PIP5K1B: variants seen among roughly 807,000 people sequenced by gnomAD.
The protein encoded by PIP5K1B is phosphatidylinositol-4-phosphate 5-kinase type 1 beta, also known as phosphatidylinositol 4-phosphate 5-kinase type-1 beta.
PIP5K1B carries 42 observed loss-of-function variants against 67.0 expected under a neutral mutation model. The observed-to-expected ratio is 0.63, with a 90% confidence interval of 0.49 to 0.81. The LOEUF (loss-of-function observed/expected upper bound fraction) is 0.81, where lower values mean the gene tolerates loss of function less well. PIP5K1B is among the 30% of genes least tolerant of loss of function. The pLI, the probability that PIP5K1B is intolerant of heterozygous loss-of-function variation, is 0.00. For missense variants in PIP5K1B, 459 were observed against 646.3 expected, an observed-to-expected ratio of 0.71 and a Z score of 3.14; for synonymous variants, 214 against 231.4, an observed-to-expected ratio of 0.92 and a Z score of 0.68.
Position 68,779,887 on chromosome 9 carries a change from G to T in PIP5K1B, c.-86+37230G>T, listed in dbSNP as rs193268517. The T allele has an allele frequency of 1.1e-3, 460 of 427,172 alleles. 5 individuals are homozygous for T. Among genetic ancestry groups the T allele is most frequent in the Non-Finnish European group, 1.2e-4 (30 of 245,678 alleles). The allele number at this position is 427,172 out of a possible 1,614,324, so 26.5% of individuals were successfully genotyped here. On this transcript the variant is annotated intron_variant, in intron 2 of 15. Transcript: ENST00000265382. ...CAATCTTATTGACATGCGTCAACGCGAGCTTGCGCTCAATAGCTATTTGCC... is the reference window on the plus strand; with the variant it reads ...CAATCTTATTGACATGCGTCAACGCTAGCTTGCGCTCAATAGCTATTTGCC...
At chr9:68,828,849 C>T (rs1834130137) in intron 4 of PIP5K1B, among the ~76,000 whole-genome samples, 1 of 152,150 alleles carries the variant, frequency 6.6e-6, no homozygotes, top group Non-Finnish European at 1.5e-5. Flanking sequence ...TGCCTGTAAT[C>T]CCAGCACTTC....
chr9:68,792,573 A>G (rs1168455482), intron 2 of PIP5K1B, among the ~76,000 whole-genome samples: 2 of 151,966 alleles, frequency 1.3e-5, no homozygotes, highest in Admixed American at 6.6e-5. Context: ...TCCGCCTTCC[A>G]GGTTCAGCCA....
chr9:68,934,640 T>G (rs923209933), intron 12 of PIP5K1B, among the ~76,000 whole-genome samples: 1 of 152,202 alleles, frequency 6.6e-6, no homozygotes, highest in Non-Finnish European at 1.5e-5. Context: ...GAGAGAAATT[T>G]TAACTTTTAA....
intron 2 of PIP5K1B, among the ~76,000 whole-genome samples, chr9:68,773,067 G>A (rs575005530): frequency 1.3e-5 from 2 of 152,282 alleles, no homozygotes; most frequent in South Asian, 4.1e-4. Flanking sequence ...CTGACTCCAA[G>A]TTTGGTTCTT....
At chr9:68,733,587 C>G (rs1416382659) in intron 1 of PIP5K1B, among the ~76,000 whole-genome samples, 1 of 128,344 alleles carries the variant, frequency 7.8e-6, no homozygotes, top group East Asian at 2.5e-4. Context: ...GGGTTTTTCT[C>G]TTTTCTTCTG....
chr9:68,934,343 G>A (rs564050590), intron 12 of PIP5K1B, among the ~76,000 whole-genome samples: 1 of 152,334 alleles, frequency 6.6e-6, no homozygotes, highest in Non-Finnish European at 1.5e-5. Context: ...GAGCTAAAGG[G>A]TAGGAAATGT....
chr9:68,857,618 C>A (rs1822845348), intron 4 of PIP5K1B, among the ~76,000 whole-genome samples: 1 of 152,196 alleles, frequency 6.6e-6, no homozygotes, highest in Non-Finnish European at 1.5e-5. Context: ...GTAATCTCAA[C>A]ATTTTGGGAG....
intron 6 of PIP5K1B, among the ~76,000 whole-genome samples, chr9:68,881,657 A>G (rs1473069723): frequency 6.6e-6 from 1 of 152,220 alleles, no homozygotes; most frequent in African/African-American, 2.4e-5. Flanking sequence ...GTGCATGCTG[A>G]TTACAAGTTT....
At chr9:68,754,446 G>C (rs1460294904) in intron 2 of PIP5K1B, among the ~76,000 whole-genome samples, 1 of 152,022 alleles carries the variant, frequency 6.6e-6, no homozygotes, top group Non-Finnish European at 1.5e-5. Context: ...TGGGATTACA[G>C]GCGTGAGCCA....
chr9:68,800,850 A>G lies in PIP5K1B; in HGVS notation c.-85-17611A>G, dbSNP rs903240872. Reference sequence around the variant, plus strand: ...GTCATATTTGGGTACCCTTGCTCCAAATTCTCCATGACTGTTAAGTTCTTG... The same window carrying G: ...GTCATATTTGGGTACCCTTGCTCCAGATTCTCCATGACTGTTAAGTTCTTG... On this transcript the variant is annotated intron_variant, in intron 2 of 15. Coordinates refer to ENST00000265382, the MANE Select transcript of PIP5K1B (RefSeq NM_003558.4). 2.6e-5 allele frequency among the ~76,000 whole-genome samples: 4 copies of G among 152,234 alleles called. No homozygotes were observed. In the South Asian group the frequency reaches 6.2e-4, roughly 24 times the overall value.
chr9:68,799,828 G>A (rs960813096), intron 2 of PIP5K1B, among the ~76,000 whole-genome samples: 2 of 152,176 alleles, frequency 1.3e-5, no homozygotes, highest in Non-Finnish European at 2.9e-5. Flanking sequence ...GGTTTTGGCA[G>A]CAATTTCCTG....
intron 2 of PIP5K1B, among the ~76,000 whole-genome samples, chr9:68,772,294 T>C: frequency 6.6e-6 from 1 of 152,228 alleles, no homozygotes; most frequent in Non-Finnish European, 1.5e-5. Flanking sequence ...CTTCTCTCAG[T>C]TGCTCTTCTT....
intron 5 of PIP5K1B, among the ~76,000 whole-genome samples, chr9:68,869,115 A>G (rs1823501248): frequency 6.6e-6 from 1 of 152,244 alleles, no homozygotes; most frequent in Admixed American, 6.5e-5. Context: ...AAACTTATCC[A>G]AGAGTCCATC....
chr9:68,841,343 C>T (rs999974562), intron 4 of PIP5K1B, among the ~76,000 whole-genome samples: 1 of 152,152 alleles, frequency 6.6e-6, no homozygotes, highest in Non-Finnish European at 1.5e-5. Context: ...CCTTCATTTC[C>T]TGGATTATTA....
At chr9:68,725,350 C>T (rs528867599) in intron 1 of PIP5K1B, among the ~76,000 whole-genome samples, 1 of 152,268 alleles carries the variant, frequency 6.6e-6, no homozygotes, top group East Asian at 1.9e-4. Context: ...TTCTTTTTCT[C>T]ATCTATGGAA....
At chr9:68,818,874 A>G (rs972894467) in intron 3 of PIP5K1B, among the ~76,000 whole-genome samples, 1 of 152,242 alleles carries the variant, frequency 6.6e-6, no homozygotes, top group South Asian at 2.1e-4. Flanking sequence ...CAAAATATAA[A>G]AATGAAAACC....
rs555564675 is a variant in PIP5K1B at position 69,002,906 on chromosome 9, G to A, written c.1621-5541G>A. On this transcript the variant is annotated intron_variant, in intron 15 of 15. Coordinates refer to ENST00000265382, the MANE Select transcript of PIP5K1B (RefSeq NM_003558.4). ...GCTAAGGCACGAGAATCACTTGAAC[G>A]CAGGAGGCGGAGGTTGCAGTGAGCC... Among the ~76,000 whole-genome samples the A allele has an allele frequency of 4.3e-4, 66 of 152,206 alleles. No individual in the cohort carries two copies. The South Asian group carries it at 4.8e-3, about 11-fold the overall frequency.
chr9:68,812,337 A>C (rs1273532097), intron 2 of PIP5K1B, among the ~76,000 whole-genome samples: 1 of 152,246 alleles, frequency 6.6e-6, no homozygotes, highest in Non-Finnish European at 1.5e-5. Context: ...ACATAGAACT[A>C]TAGAAAGCTA....
At chr9:68,978,868 G>A (rs74929792) in intron 14 of PIP5K1B, among the ~76,000 whole-genome samples, 1,681 of 152,166 alleles carry the variant, frequency 0.011, 37 homozygotes, top group African/African-American at 0.038. Flanking sequence ...GACGTGACCC[G>A]AAGGGCTTTT....
Sources: allele counts gnomAD v4.1 joint callset (sites outside exome capture counted in the v4.1 genomes callset), GRCh38; gene constraint gnomAD v4.1.1; transcripts MANE v1.5; gene names NCBI Gene and HGNC (gene_info 2026-07-23, HGNC 2026-07-21).